SKIC3: variants seen among roughly 807,000 people sequenced by gnomAD.
SKIC3 encodes SKI3 subunit of superkiller complex.
the SKIC3 span, among the ~76,000 whole-genome samples, chr5:95,506,571 C>G: frequency 6.6e-6 from 1 of 152,152 alleles, no homozygotes; most frequent in Non-Finnish European, 1.5e-5. Context: ...TGTACTGTTT[C>G]AAAGGGGTTA....
the SKIC3 span, among the ~76,000 whole-genome samples, chr5:95,552,899 G>A: frequency 6.6e-6 from 1 of 152,120 alleles, no homozygotes; most frequent in African/African-American, 2.4e-5. Context: ...GGGAAGGACT[G>A]TTGAAAGGGA....
At chr5:95,473,658 G>A in the SKIC3 span, among the ~76,000 whole-genome samples, 1 of 152,160 alleles carries the variant, frequency 6.6e-6, no homozygotes, top group African/African-American at 2.4e-5. Context: ...GCATTTCTCT[G>A]ATGATTAATA....
At chr5:95,493,065 A>AT in the SKIC3 span, among the ~76,000 whole-genome samples, 6 of 152,150 alleles carry the variant, frequency 3.9e-5, no homozygotes, top group South Asian at 2.1e-4. Flanking sequence ...CAGAAATTGG[A>AT]TTTTTTTCCA....
chr5:95,464,305 C>T, the SKIC3 span: 3 of 276,842 alleles, frequency 1.1e-5, no homozygotes, highest in African/African-American at 6.7e-5. Flanking sequence ...AAAAGATATT[C>T]TATTGTGCAC....
the SKIC3 span, among the ~76,000 whole-genome samples, chr5:95,543,004 T>A: frequency 6.6e-6 from 1 of 152,136 alleles, no homozygotes; most frequent in African/African-American, 2.4e-5. Flanking sequence ...TTAAACAACA[T>A]CCTTTGCACC....
the SKIC3 span, chr5:95,516,821 T>C: frequency 4.0e-5 from 63 of 1,576,432 alleles, no homozygotes; most frequent in Non-Finnish European, 5.4e-5. Flanking sequence ...ATATATGTGG[T>C]TTTATGTGAA....
chr5:95,541,278 A>G, the SKIC3 span: 3 of 1,610,828 alleles, frequency 1.9e-6, no homozygotes, highest in Non-Finnish European at 2.5e-6. Flanking sequence ...TCTATTATTA[A>G]AAGAAGTCAG....
At chr5:95,516,402 A>G in the SKIC3 span, 29 of 1,613,118 alleles carry the variant, frequency 1.8e-5, no homozygotes, top group South Asian at 3.1e-4. Context: ...GGTCCATGCA[A>G]CAGCATTCTA....
the SKIC3 span, chr5:95,484,813 G>A: frequency 6.2e-7 from 1 of 1,614,014 alleles, no homozygotes; most frequent in Non-Finnish European, 8.5e-7. Flanking sequence ...TCAAGGGACT[G>A]GTTGTAATTT....
the SKIC3 span, among the ~76,000 whole-genome samples, chr5:95,501,437 C>T: frequency 6.6e-6 from 1 of 152,062 alleles, no homozygotes; most frequent in Non-Finnish European, 1.5e-5. Flanking sequence ...GTACACTGCT[C>T]AGTTCACAAC....
At chr5:95,467,016 T>C in the SKIC3 span, among the ~76,000 whole-genome samples, 23,523 of 152,164 alleles carry the variant, frequency 0.15, 2,512 homozygotes, top group African/African-American at 0.3. Flanking sequence ...AAAGAAAATG[T>C]TGATTTTTGA....
At chr5:95,512,658 ATG>A in the SKIC3 span, 2 of 1,611,630 alleles carry the variant, frequency 1.2e-6, no homozygotes, top group South Asian at 2.2e-5. Context: ...AGGATAATAA[ATG>A]TGTCAATAAA....
chr5:95,491,180 T>A, the SKIC3 span: 1 of 1,239,848 alleles, frequency 8.1e-7, no homozygotes, highest in Non-Finnish European at 1.1e-6. Context: ...AAAATTAAAT[T>A]GCACTTGTTT....
chr5:95,511,588 C>A, the SKIC3 span, among the ~76,000 whole-genome samples: 1 of 152,150 alleles, frequency 6.6e-6, no homozygotes, highest in African/African-American at 2.4e-5. Context: ...TACAGTGAGG[C>A]ATTTTCTCTC....
At chr5:95,507,782 C>T in the SKIC3 span, among the ~76,000 whole-genome samples, 1 of 152,100 alleles carries the variant, frequency 6.6e-6, no homozygotes, top group African/African-American at 2.4e-5. Flanking sequence ...TGGCTTCAAC[C>T]ATCAAATAGT....
chr5:95,469,487 G>A, the SKIC3 span, among the ~76,000 whole-genome samples: 1 of 152,154 alleles, frequency 6.6e-6, no homozygotes, highest in African/African-American at 2.4e-5. Context: ...CTAACACAGT[G>A]AAGAACAAAA....
the SKIC3 span, among the ~76,000 whole-genome samples, chr5:95,505,984 A>G: frequency 6.6e-6 from 1 of 152,224 alleles, no homozygotes; most frequent in Admixed American, 6.5e-5. Context: ...AATGGAAGGT[A>G]TATATTTTCT....
the SKIC3 span, among the ~76,000 whole-genome samples, chr5:95,551,208 C>A: frequency 1.3e-5 from 2 of 152,154 alleles, no homozygotes; most frequent in East Asian, 3.9e-4. Flanking sequence ...AGTAACACAA[C>A]TACACATCTA....
the SKIC3 span, among the ~76,000 whole-genome samples, chr5:95,534,213 G>GAAA: frequency 2.2e-5 from 3 of 139,046 alleles, no homozygotes; most frequent in African/African-American, 7.9e-5. Context: ...TTCCTATCAG[G>GAAA]AAAAAAAAAA....
Sources: gnomAD v4.1 joint callset for allele counts (sites outside exome capture counted in the v4.1 genomes callset) on GRCh38, gnomAD v4.1.1 for gene constraint, MANE v1.5 for transcripts, NCBI Gene and HGNC (gene_info 2026-07-23, HGNC 2026-07-21) for gene names.